ADGRE5: variants seen among roughly 807,000 people sequenced by gnomAD.
ADGRE5 encodes CD97 molecule.
A neutral mutation model predicts 100.3 loss-of-function variants in ADGRE5; 72 were observed. That is an observed-to-expected ratio of 0.72 (90% CI 0.59 to 0.87). The LOEUF is 0.87. Among genes scored for constraint, ADGRE5 ranks in the 40% least tolerant of loss-of-function variants. ADGRE5 has a pLI of 0.00. For missense variants in ADGRE5, 959 were observed against 1,094.7 expected (o/e 0.88, Z 1.75); for synonymous variants, 439 against 447.8 (o/e 0.98, Z 0.25).
chr19:14,387,137 C>T (rs1483384162), intron 1 of ADGRE5, among the ~76,000 whole-genome samples: 3 of 152,056 alleles, frequency 2.0e-5, no homozygotes, highest in Admixed American at 6.6e-5. Context: ...GGGGAGTGGG[C>T]GCCATCATCC....
chr19:14,402,945 C>T, intron 12 of ADGRE5, 83 bp downstream of exon 12: 6 of 1,362,912 alleles, frequency 4.4e-6, no homozygotes, highest in East Asian at 2.3e-5. Flanking sequence ...TGCTCTTTCC[C>T]GACGTGACTC....
At position 14,388,630 on chromosome 19, in the gene ADGRE5, A is replaced by G. The variant is rs58570628; in HGVS notation, c.74-72A>G. 3.8e-4 allele frequency: 612 copies of G among 1,605,404 alleles called. 2 individuals are homozygous for G. In the African/African-American group the frequency reaches 7.5e-3, roughly 20 times the overall value. ...CACGAGAAACTCAGCGCCCTGCCCC[A>G]TCTCCCCCAGTGCCCCCTTTTTGTG... On this transcript the variant is annotated intron_variant, in intron 2 of 19. Coordinates refer to ENST00000242786, the MANE Select transcript of ADGRE5 (RefSeq NM_078481.4).
rs368601402 is a variant in ADGRE5 at position 14,406,992 on chromosome 19, G to A, written c.2207+32G>A. 4.0e-5 allele frequency: 65 copies of A among 1,613,516 alleles called. No homozygotes were observed. The highest frequency in any genetic ancestry group is 6.7e-5 in the East Asian group (3 of 44,896). On this transcript the variant is annotated intron_variant, in intron 17 of 19. Transcript: ENST00000242786. The surrounding 1 kb of genome is among the most constrained non-coding windows in gnomAD (Gnocchi z 6.0). The stretch of plus-strand genomic sequence containing the variant: ...GGAGAGGCTGGAAGGACTTGGAGGC[G>A]GGGCCGGGGTGAGGGGCATGAAGCT...
At chr19:14,404,301 A>T in intron 12 of ADGRE5, 82 bp from the exon 13 acceptor site, 1 of 1,306,802 alleles carries the variant, frequency 7.7e-7, no homozygotes, top group Non-Finnish European at 1.0e-6. Context: ...AGTAAAAAGC[A>T]GCCCTCTTAG....
chr19:14,407,289 G>C (rs1273058729), intron 18 of ADGRE5, 60 bp downstream of exon 18: 1 of 1,583,974 alleles, frequency 6.3e-7, no homozygotes, highest in African/African-American at 1.3e-5. Flanking sequence ...GGGAGGCTGA[G>C]GTGGGAGGAT....
chr19:14,397,469 C>G, intron 6 of ADGRE5, 189 bp from the exon 7 acceptor site: 2 of 611,296 alleles, frequency 3.3e-6, no homozygotes. Flanking sequence ...GGCGTTTCAC[C>G]ATATTCATAA....
chr19:14,396,207 CCT>C, intron 4 of ADGRE5, 133 bp from the exon 5 acceptor site: 1 of 1,536,208 alleles, frequency 6.5e-7, no homozygotes, highest in Non-Finnish European at 8.9e-7. Flanking sequence ...CCATAGGATG[CCT>C]CTGTGTGGAT....
chr19:14,391,379 T>C (rs115063869), intron 4 of ADGRE5: 6,905 of 383,752 alleles, frequency 0.018, 392 homozygotes, highest in African/African-American at 0.13. Context: ...GTTATCATGC[T>C]TGTAATTCCA....
intron 4 of ADGRE5, among the ~76,000 whole-genome samples, chr19:14,391,977 A>G (rs1975616453): frequency 6.6e-6 from 1 of 150,838 alleles, no homozygotes; most frequent in African/African-American, 2.4e-5. Flanking sequence ...CGCGCCTGTA[A>G]TCCCAGCTAC....
intron 3 of ADGRE5, 58 bp from the exon 4 acceptor site, chr19:14,390,866 T>A: frequency 1.9e-6 from 3 of 1,590,386 alleles, no homozygotes; most frequent in Non-Finnish European, 2.6e-6. Context: ...GATGGGGGTC[T>A]CTGCCCTGAC....
Position 14,406,274 on chromosome 19 carries a change from C to G in ADGRE5, c.1822-57C>G. 6.0e-6 allele frequency: 8 copies of G among 1,343,662 alleles called. 1 individual carries two copies. The South Asian group carries it at 1.1e-4, about 18-fold the overall frequency. The allele number at this position is 1,343,662 out of a possible 1,614,324, so 83.2% of individuals were successfully genotyped here. On this transcript the variant is annotated intron_variant, in intron 14 of 19. Coordinates refer to ENST00000242786, the MANE Select transcript of ADGRE5 (RefSeq NM_078481.4). This position sits in a 1 kb window ranked among gnomAD's most constrained non-coding sequence, Gnocchi z 6.0. ...GGACCTGGCAGGCGACTGGCTCTGGCGCCGCATGCCCCTCCCCGCGCTGAC... is the reference window on the plus strand; with the variant it reads ...GGACCTGGCAGGCGACTGGCTCTGGGGCCGCATGCCCCTCCCCGCGCTGAC...
chr19:14,390,808 A>G, intron 3 of ADGRE5, 116 bp from the exon 4 acceptor site: 2 of 1,330,342 alleles, frequency 1.5e-6, no homozygotes, highest in East Asian at 5.0e-5. Flanking sequence ...GCAACTTAAG[A>G]TTTTTTCCAA....
At chr19:14,384,886 CCTCT>C (rs1181118790) in intron 1 of ADGRE5, among the ~76,000 whole-genome samples, 2 of 150,706 alleles carry the variant, frequency 1.3e-5, no homozygotes, top group Admixed American at 6.6e-5. Flanking sequence ...TCTCTGTCTC[CCTCT>C]CTCTCTCCAG....
At chr19:14,394,890 A>T (rs1231579868) in intron 4 of ADGRE5, among the ~76,000 whole-genome samples, 1 of 152,026 alleles carries the variant, frequency 6.6e-6, no homozygotes, top group African/African-American at 2.4e-5. Context: ...CCATTTCCCC[A>T]TCCAAGGCTC....
intron 1 of ADGRE5, among the ~76,000 whole-genome samples, chr19:14,382,910 A>AT (rs1975211913): frequency 6.6e-6 from 1 of 151,706 alleles, no homozygotes; most frequent in South Asian, 2.1e-4. Flanking sequence ...TTGTGTTTGT[A>AT]TTTTTAGTAG....
chr19:14,408,114 G>A lies in ADGRE5; in HGVS notation c.2501G>A (p.Gly834Asp), dbSNP rs1253699368. Residue 834 changes from glycine to aspartate, a missense_variant, in exon 20 of 20, where the codon GGC becomes GAC. This residue lies in a region of ADGRE5 where 428 missense variants were observed against 386.2 expected (regional missense o/e 1.11). Coordinates refer to ENST00000242786, the MANE Select transcript of ADGRE5 (RefSeq NM_078481.4). ...QTRALRASESGI is the reference protein window; with the variant it reads ...QTRALRASESDI ...CAGGCCCTCAGGGCATCAGAGTCCG[G>A]CATATGAAGGCGCATGGTTCTGGAC... 1.9e-6 allele frequency: 3 copies of A among 1,613,248 alleles called. No homozygotes were observed. Among genetic ancestry groups the A allele is most frequent in the Non-Finnish European group, 2.5e-6 (3 of 1,179,990 alleles).
chr19:14,398,199 A>G (rs891609140), intron 9 of ADGRE5, 60 bp downstream of exon 9: 110 of 1,549,804 alleles, frequency 7.1e-5, no homozygotes, highest in Non-Finnish European at 2.5e-5. Context: ...GGAGGCTTCC[A>G]TGTGGCCAGA....
intron 4 of ADGRE5, among the ~76,000 whole-genome samples, chr19:14,394,484 A>G (rs1975706396): frequency 6.6e-6 from 1 of 151,764 alleles, no homozygotes; most frequent in Admixed American, 6.6e-5. Context: ...CTTTGTCCCA[A>G]CCCTGAGACT....
At position 14,406,887 on chromosome 19, in the gene ADGRE5, G is replaced by T; in HGVS notation, c.2134G>T (p.Val712Leu). Residue 712 changes from valine to leucine, a missense_variant, in exon 17 of 20, where the codon GTG (valine) becomes TTG (leucine). Val to Leu is a conservative substitution (Grantham distance 32). Transcript: ENST00000242786. This position sits in a 1 kb window ranked among gnomAD's most constrained non-coding sequence, Gnocchi z 6.0. The stretch of plus-strand genomic sequence containing the variant: ...TGCCCAGTGCAATGCTGTCATTTTC[G>T]TGACTACCGTCTGGAAGCTCACTCA... ...FIILCNAVIF[V>L]TTVWKLTQKF... is the part of the protein sequence containing the mutation. 1 of 1,614,138 alleles carries T rather than the reference G, an allele frequency of 6.2e-7. No homozygotes were observed. Among genetic ancestry groups the T allele is most frequent in the Admixed American group, 1.7e-5 (1 of 60,022 alleles).
Sources: allele counts gnomAD v4.1 joint callset (sites outside exome capture counted in the v4.1 genomes callset), GRCh38; gene constraint gnomAD v4.1.1; regional missense constraint gnomAD v4.1.1; non-coding constraint Gnocchi (gnomAD v3.1); transcripts MANE v1.5; gene names NCBI Gene and HGNC (gene_info 2026-07-23, HGNC 2026-07-21).